B3GNT6: variants seen among roughly 807,000 people sequenced by gnomAD.
B3GNT6 encodes the protein UDP-GlcNAc:betaGal beta-1,3-N-acetylglucosaminyltransferase 6.
For missense variants in B3GNT6, 624 were observed against 568.6 expected (o/e 1.10, Z -0.99); for synonymous variants, 300 against 270.0 (o/e 1.11, Z -1.09).
rs1372872902 is a variant in B3GNT6 at position 77,040,354 on chromosome 11, C to T, written c.803C>T (p.Pro268Leu). The T allele has an allele frequency of 1.9e-6, 3 of 1,542,246 alleles. 1 individual carries two copies. Among genetic ancestry groups the T allele is most frequent in the Admixed American group, 1.9e-5 (1 of 51,492 alleles). ...RDSWSKYFVP[P>L]QLFPGSAYPV... The stretch of plus-strand genomic sequence containing the variant: ...AGCTGGAGCAAGTACTTCGTGCCGC[C>T]GCAGCTCTTCCCCGGGTCCGCTTAC... The change falls in exon 2 of 2, where the codon CCG becomes CTG. Residue 268 changes from proline to leucine, a missense_variant. Transcript: ENST00000622824.
At chr11:77,037,965 AGGGGG>A (rs144316014) in intron 1 of B3GNT6, among the ~76,000 whole-genome samples, 1 of 7,784 alleles carries the variant, frequency 1.3e-4, no homozygotes, top group African/African-American at 7.4e-4. Flanking sequence ...GAAGAAGAGG[AGGGGG>A]GAAGGGGAGG....
chr11:77,038,080 GATGA>G (rs1949650881), intron 1 of B3GNT6, among the ~76,000 whole-genome samples: 1 of 7,686 alleles, frequency 1.3e-4, no homozygotes, highest in African/African-American at 5.0e-4. Flanking sequence ...AGGGGGAGGG[GATGA>G]GGGGGAGGAG....
Position 77,041,104 on chromosome 11 carries a change from T to A in B3GNT6, c.*398T>A. ...GTGGAGCAAGGGAGACCTGGGAGCG[T>A]GGGAGCCAGGATCAGCGCCCCCTGC... On this transcript the variant is annotated 3_prime_UTR_variant, in exon 2 of 2. Coordinates refer to ENST00000622824, the MANE Select transcript of B3GNT6 (RefSeq NM_138706.5). 1 of 197,882 alleles carries A rather than the reference T, an allele frequency of 5.1e-6. No homozygotes were observed. Among genetic ancestry groups the A allele is most frequent in the Non-Finnish European group, 1.0e-5 (1 of 98,932 alleles). 12.3% of individuals were successfully genotyped at this position (197,882 alleles called of 1,614,324 possible).
At chr11:77,037,738 A>G (rs1370617899) in intron 1 of B3GNT6, among the ~76,000 whole-genome samples, 1 of 150,042 alleles carries the variant, frequency 6.7e-6, no homozygotes, top group Admixed American at 6.7e-5. Flanking sequence ...ATGGCAAGAC[A>G]CTGTCTCTAC....
In B3GNT6 at chr11:77,040,274, C is replaced by T. The variant is rs781938785; in HGVS notation, c.723C>T (p.Pro241=). The T allele has an allele frequency of 1.3e-6, 2 of 1,595,506 alleles. No homozygotes were observed. The highest frequency in any genetic ancestry group is 1.7e-5 in the Admixed American group (1 of 59,514). Residue 241 remains proline (P), a synonymous_variant, in exon 2 of 2, where the codon CCC becomes CCT. Coordinates refer to ENST00000622824, the MANE Select transcript of B3GNT6 (RefSeq NM_138706.5). ...NVVRFLQAQP[P]GRHLFSGQLM... is the part of the protein sequence containing the mutation. ...TCCGCTTCCTGCAGGCGCAGCCACC[C>T]GGCCGCCACCTGTTCTCCGGCCAGC...
At chr11:77,036,355 A>G (rs1371070237) in intron 1 of B3GNT6, among the ~76,000 whole-genome samples, 1 of 152,182 alleles carries the variant, frequency 6.6e-6, no homozygotes, top group African/African-American at 2.4e-5. Flanking sequence ...TTACATCCAC[A>G]CTTTTGCAGG....
Position 77,040,637 on chromosome 11 carries a change from G to C in B3GNT6, c.1086G>C (p.Glu362Asp), listed in dbSNP as rs1949680029. The change falls in exon 2 of 2, where the codon GAG (glutamate) becomes GAC (aspartate). Residue 362 changes from glutamate (E) to aspartate (D), a missense_variant. Transcript: ENST00000622824. The stretch of plus-strand genomic sequence containing the variant: ...TAGTGCACCGCTTCGCGCCCTACGA[G>C]ATGCTGCTCATGTGGAAGGCGCTGC... ...LLLVHRFAPY[E>D]MLLMWKALHS... The C allele has an allele frequency of 1.9e-6, 3 of 1,601,224 alleles. No individual in the cohort carries two copies. Among genetic ancestry groups the C allele is most frequent in the African/African-American group, 1.3e-5 (1 of 75,032 alleles).
At chr11:77,039,485 T>A in intron 1 of B3GNT6, 67 bp from the exon 2 acceptor site, 1 of 1,515,828 alleles carries the variant, frequency 6.6e-7, no homozygotes, top group Non-Finnish European at 8.8e-7. Context: ...AGTGACGGGG[T>A]ACGGGTGGTG....
chr11:77,041,352 T>A lies in B3GNT6; in HGVS notation c.*646T>A, dbSNP rs1191588109. On this transcript the variant is annotated 3_prime_UTR_variant, in exon 2 of 2. Transcript: ENST00000622824. Reference sequence around the variant, plus strand: ...GGAAACCAGAGGCCCGGTCAGACAGTGACTAATCCAGGGCCGTGGCATTCC... The same window carrying A: ...GGAAACCAGAGGCCCGGTCAGACAGAGACTAATCCAGGGCCGTGGCATTCC... 1 of 152,430 alleles carries A rather than the reference T, an allele frequency of 6.6e-6. No individual in the cohort carries two copies. Among genetic ancestry groups the A allele is most frequent in the Non-Finnish European group, 1.5e-5 (1 of 68,212 alleles). 9.4% of individuals were successfully genotyped at this position (152,430 alleles called of 1,614,324 possible). A position where few individuals can be genotyped will look rare whatever the true frequency, so the allele number is the denominator to read the frequency against.
rs1241087205 is a variant in B3GNT6 at position 77,039,763 on chromosome 11, T to A, written c.212T>A (p.Val71Glu). Residue 71 changes from valine (V) to glutamate (E), a missense_variant, in exon 2 of 2, where the codon GTG becomes GAG. Transcript: ENST00000622824. ...GAGCTCGTCCCCGGGCCCCCGTGCG[T>A]GGCGAACGCCTCGGCGAACGCCACG... The part of the protein sequence containing the change: ...PSELVPGPPC[V>E]ANASANATAD... The A allele has an allele frequency of 6.3e-7, 1 of 1,592,456 alleles. No individual in the cohort carries two copies. The highest frequency in any genetic ancestry group is 8.5e-7 in the Non-Finnish European group (1 of 1,172,706).
chr11:77,040,404 TTCC>T lies in B3GNT6; in HGVS notation c.858_860del (p.Leu287del). 1 of 1,531,200 alleles carries T rather than the reference TTCC, an allele frequency of 6.5e-7. No homozygotes were observed. The highest frequency in any genetic ancestry group is 8.7e-7 in the Non-Finnish European group (1 of 1,144,716). 94.9% of individuals were successfully genotyped at this position (1,531,200 alleles called of 1,614,324 possible). ...CCCGGTGTACTGCAGCGGCGGCGGCTTCCTCCTGTCCGGCCCCACGGCCCGGGC... is the reference window on the plus strand; with the variant it reads ...CCCGGTGTACTGCAGCGGCGGCGGCTTCCTGTCCGGCCCCACGGCCCGGGC... On this transcript the variant is annotated inframe_deletion, in exon 2 of 2. Coordinates refer to ENST00000622824, the MANE Select transcript of B3GNT6 (RefSeq NM_138706.5).
At position 77,039,864 on chromosome 11, in the gene B3GNT6, T is replaced by C; in HGVS notation, c.313T>C (p.Trp105Arg). 3 of 1,589,050 alleles carry C rather than the reference T, an allele frequency of 1.9e-6. No individual in the cohort carries two copies. Among genetic ancestry groups the C allele is most frequent in the Non-Finnish European group, 2.6e-6 (3 of 1,175,106 alleles). The change falls in exon 2 of 2, where the codon TGG becomes CGG. Residue 105 changes from tryptophan (W) to arginine (R), a missense_variant. Coordinates refer to ENST00000622824, the MANE Select transcript of B3GNT6 (RefSeq NM_138706.5). ...YRHCRHFPLLWDAPAKCAGGR... is the reference protein window; with the variant it reads ...YRHCRHFPLLRDAPAKCAGGR... ...CCACTGCCGCCACTTCCCGCTGCTT[T>C]GGGACGCACCGGCCAAGTGCGCCGG...
chr11:77,035,973 A>G (rs1949630245), intron 1 of B3GNT6, among the ~76,000 whole-genome samples: 1 of 152,250 alleles, frequency 6.6e-6, no homozygotes, highest in South Asian at 2.1e-4. Context: ...GTATTTGTGT[A>G]GCACGTTAAC....
chr11:77,037,854 A>C (rs1279610480), intron 1 of B3GNT6, among the ~76,000 whole-genome samples: 1 of 140,548 alleles, frequency 7.1e-6, no homozygotes, highest in East Asian at 2.1e-4. Flanking sequence ...TGCGGACTGC[A>C]GTGAGCCACG....
At position 77,039,912 on chromosome 11, in the gene B3GNT6, C is replaced by T; in HGVS notation, c.361C>T (p.Leu121=). The change falls in exon 2 of 2, where the codon CTG becomes TTG. Residue 121 remains leucine, a synonymous_variant. Transcript: ENST00000622824. Reference sequence around the variant, plus strand: ...CGGCGGCCGAGGCGTGTTCCTGCTCCTGGCGGTGAAGTCGGCGCCTGAGCA... The same window carrying T: ...CGGCGGCCGAGGCGTGTTCCTGCTCTTGGCGGTGAAGTCGGCGCCTGAGCA... ...CAGGRGVFLL[L]AVKSAPEHYE... is the part of the protein sequence containing the mutation. 1 of 1,592,810 alleles carries T rather than the reference C, an allele frequency of 6.3e-7. No homozygotes were observed. The highest frequency in any genetic ancestry group is 8.5e-7 in the Non-Finnish European group (1 of 1,176,974).
At chr11:77,039,254 T>C (rs1344701923) in intron 1 of B3GNT6, among the ~76,000 whole-genome samples, 1 of 151,760 alleles carries the variant, frequency 6.6e-6, no homozygotes, top group Admixed American at 6.6e-5. Context: ...AGGGTATGGG[T>C]TCAGGGGAAG....
rs1949685999 is a variant in B3GNT6, at chr11:77,041,421, A to G, written c.*715A>G. 1 of 152,410 alleles carries G rather than the reference A, an allele frequency of 6.6e-6. No individual in the cohort carries two copies. The highest frequency in any genetic ancestry group is 1.9e-4 in the East Asian group (1 of 5,196). 9.4% of individuals were successfully genotyped at this position (152,410 alleles called of 1,614,324 possible). On this transcript the variant is annotated 3_prime_UTR_variant, in exon 2 of 2. Transcript: ENST00000622824. ...GGTCCCCTCCACACTCACCCCAACC[A>G]AAGCTAATGGCCTAGTTGGGTCCTG...
chr11:77,040,107 C>T lies in B3GNT6; in HGVS notation c.556C>T (p.Leu186=). 6.3e-7 allele frequency: 1 copy of T among 1,597,108 alleles called. No individual in the cohort carries two copies. The highest frequency in any genetic ancestry group is 8.5e-7 in the Non-Finnish European group (1 of 1,178,910). Residue 186 remains leucine, a synonymous_variant, in exon 2 of 2, where the codon CTG becomes TTG. Transcript: ENST00000622824. ...ALEAREHGDV[L]QWAFADTFLN... ...GGAGGCGCGCGAGCACGGCGACGTG[C>T]TGCAGTGGGCCTTCGCGGACACCTT...
chr11:77,041,475 A>C lies in B3GNT6; in HGVS notation c.*769A>C, dbSNP rs1949686508. ...GCCAATAATCACCCCCACGGGTCAGAGACAGGCTCCTTGCCGGGGTCTGGG... is the reference window on the plus strand; with the variant it reads ...GCCAATAATCACCCCCACGGGTCAGCGACAGGCTCCTTGCCGGGGTCTGGG... On this transcript the variant is annotated 3_prime_UTR_variant, in exon 2 of 2. Coordinates refer to ENST00000622824, the MANE Select transcript of B3GNT6 (RefSeq NM_138706.5). 6.6e-6 allele frequency: 1 copy of C among 152,470 alleles called. No individual in the cohort carries two copies. The highest frequency in any genetic ancestry group is 2.4e-5 in the African/African-American group (1 of 41,464). The allele number at this position is 152,470 out of a possible 1,614,324, so 9.4% of individuals were successfully genotyped here. A position where few individuals can be genotyped will look rare whatever the true frequency, so the allele number is the denominator to read the frequency against.
Sources: allele counts gnomAD v4.1 joint callset (sites outside exome capture counted in the v4.1 genomes callset), GRCh38; gene constraint gnomAD v4.1.1; transcripts MANE v1.5; gene names NCBI Gene and HGNC (gene_info 2026-07-23, HGNC 2026-07-21).